The following ATP6V0D2 variants were observed in gnomAD, a reference collection of about 807,000 sequenced individuals.
ATP6V0D2 encodes the protein ATPase H+ transporting V0 subunit d2, also known as V-type proton ATPase subunit d 2.
ATP6V0D2 carries 40 observed loss-of-function variants against 40.0 expected under a neutral mutation model. The observed-to-expected ratio is 1.00, with a 90% confidence interval of 0.78 to 1.30. The LOEUF (loss-of-function observed/expected upper bound fraction) is 1.30, where lower values mean the gene tolerates loss of function less well. Ranked by LOEUF, ATP6V0D2 falls within the 50% of genes most tolerant of loss-of-function variation. The pLI is 0.00. For synonymous variants in ATP6V0D2, 179 were observed against 156.3 expected (o/e 1.15, Z -1.08); for missense variants, 470 against 423.1 (o/e 1.11, Z -0.97).
chr8:86,142,999 A>T, intron 5 of ATP6V0D2, 45 bp downstream of exon 5: 1 of 1,356,528 alleles, frequency 7.4e-7, no homozygotes, highest in Non-Finnish European at 1.0e-6. Flanking sequence ...TAAGGTGCTT[A>T]CATATTTTTA....
At chr8:86,106,274 A>T (rs895723997) in intron 1 of ATP6V0D2, among the ~76,000 whole-genome samples, 1 of 152,120 alleles carries the variant, frequency 6.6e-6, no homozygotes, top group African/African-American at 2.4e-5. Flanking sequence ...CTGGGACCAC[A>T]GGTGCATGTC....
rs1042313197 is a variant in ATP6V0D2 at position 86,111,859 on chromosome 8, T to C, written c.131-1850T>C. The stretch of plus-strand genomic sequence containing the variant: ...ATGGATCTGGGTCTCATTTTCTATG[T>C]TCCCATAAATCAAGGACCTTATCTT... On this transcript the variant is annotated intron_variant, in intron 1 of 7. Transcript: ENST00000285393. Among the ~76,000 whole-genome samples, 8 of 152,348 alleles carry C rather than the reference T, an allele frequency of 5.3e-5. No homozygotes were observed. In the South Asian group the frequency reaches 1.7e-3, roughly 32 times the overall value.
At chr8:86,114,740 T>A (rs1027147816) in intron 2 of ATP6V0D2, among the ~76,000 whole-genome samples, 8 of 152,186 alleles carry the variant, frequency 5.3e-5, no homozygotes, top group African/African-American at 1.9e-4. Context: ...CACCAATTAA[T>A]AAATTTTACT....
At chr8:86,129,732 GGC>G (rs1286270072) in intron 2 of ATP6V0D2, among the ~76,000 whole-genome samples, 1 of 151,824 alleles carries the variant, frequency 6.6e-6, no homozygotes, top group African/African-American at 2.4e-5. Context: ...GAACCCAGGA[GGC>G]AGAGGTTGCA....
chr8:86,145,741 C>T (rs1819060984), intron 5 of ATP6V0D2, among the ~76,000 whole-genome samples: 1 of 152,124 alleles, frequency 6.6e-6, no homozygotes, highest in Admixed American at 6.5e-5. Context: ...AGAATTTCTA[C>T]TCAGCATAAT....
intron 5 of ATP6V0D2, among the ~76,000 whole-genome samples, chr8:86,149,292 G>T (rs1025553142): frequency 1.3e-5 from 2 of 151,978 alleles, no homozygotes; most frequent in Admixed American, 1.3e-4. Context: ...AGAACCAAGA[G>T]ACTGTAGAAA....
chr8:86,150,041 G>A, intron 5 of ATP6V0D2, 71 bp from the exon 6 acceptor site: 1 of 1,355,522 alleles, frequency 7.4e-7, no homozygotes, highest in South Asian at 1.3e-5. Context: ...AAATGAATGT[G>A]TGCACTTAAG....
At position 86,113,722 on chromosome 8, in the gene ATP6V0D2, T is replaced by A. The variant is rs1353210096; in HGVS notation, c.144T>A (p.His48Gln). ...ATTTAATTTCAGACCTGAAAATTCATCTCCAGACTACTGATTATGGTAACT... is the reference window on the plus strand; with the variant it reads ...ATTTAATTTCAGACCTGAAAATTCAACTCCAGACTACTGATTATGGTAACT... ...QCETLEDLKI[H>Q]LQTTDYGNFL... The change falls in exon 2 of 8, where the codon CAT becomes CAA. Residue 48 changes from histidine to glutamine, a missense_variant. His to Gln is a conservative substitution (Grantham distance 24, BLOSUM62 0). Transcript: ENST00000285393. The A allele has an allele frequency of 2.5e-6, 4 of 1,604,594 alleles. No individual in the cohort carries two copies. Among genetic ancestry groups the A allele is most frequent in the Middle Eastern group, 1.7e-4 (1 of 6,008 alleles).
chr8:86,137,780 T>A (rs1818917965), intron 2 of ATP6V0D2, among the ~76,000 whole-genome samples: 2 of 152,320 alleles, frequency 1.3e-5, no homozygotes, highest in South Asian at 4.1e-4. Context: ...GCAGACTGCC[T>A]GAGTCTGAGT....
In ATP6V0D2 at chr8:86,099,074, C is replaced by T. The variant is rs758425000; in HGVS notation, c.96C>T (p.Asp32=). 6 of 1,613,176 alleles carry T rather than the reference C, an allele frequency of 3.7e-6. No homozygotes were observed. The African/African-American group carries it at 4.0e-5, about 11-fold the overall frequency. ...GCKASLLTQQ[D]YINLVQCETL... ...AGGCCAGCCTCCTGACCCAGCAAGA[C>T]TATATCAACCTGGTCCAGTGTGAGA... The change falls in exon 1 of 8, where the codon GAC becomes GAT. Residue 32 remains aspartate (D), a synonymous_variant. Coordinates refer to ENST00000285393, the MANE Select transcript of ATP6V0D2 (RefSeq NM_152565.1).
intron 2 of ATP6V0D2, among the ~76,000 whole-genome samples, chr8:86,129,637 C>A (rs1477073471): frequency 6.6e-6 from 1 of 152,018 alleles, no homozygotes; most frequent in East Asian, 1.9e-4. Flanking sequence ...CATGGTGAAA[C>A]CCCATCTCTA....
At chr8:86,122,212 C>A (rs567919142) in intron 2 of ATP6V0D2, among the ~76,000 whole-genome samples, 1 of 152,258 alleles carries the variant, frequency 6.6e-6, no homozygotes, top group African/African-American at 2.4e-5. Context: ...AAGTATCCCA[C>A]CTCAGAGGCT....
chr8:86,135,999 A>G (rs1460216752), intron 2 of ATP6V0D2, among the ~76,000 whole-genome samples: 1 of 152,156 alleles, frequency 6.6e-6, no homozygotes, highest in African/African-American at 2.4e-5. Context: ...TGATAATTAT[A>G]TACCTGGTAC....
chr8:86,102,106 A>G (rs1818406704), intron 1 of ATP6V0D2, among the ~76,000 whole-genome samples: 1 of 152,224 alleles, frequency 6.6e-6, no homozygotes, highest in Non-Finnish European at 1.5e-5. Flanking sequence ...CTTTTCCACA[A>G]AAATATGCCA....
chr8:86,126,090 A>G (rs956318908), intron 2 of ATP6V0D2, among the ~76,000 whole-genome samples: 1 of 149,864 alleles, frequency 6.7e-6, no homozygotes, highest in African/African-American at 2.4e-5. Flanking sequence ...GGCATGCACC[A>G]TCATGACCAG....
rs759082096 is a variant in ATP6V0D2, at chr8:86,150,226, T to C, written c.754T>C (p.Leu252=). 6.2e-7 allele frequency: 1 copy of C among 1,612,596 alleles called. No individual in the cohort carries two copies. Among genetic ancestry groups the C allele is most frequent in the African/African-American group, 1.3e-5 (1 of 74,492 alleles). Residue 252 remains leucine, a synonymous_variant, in exon 6 of 8, where the codon TTG becomes CTG. Transcript: ENST00000285393. ...CTTCGGCAAACTCTATCCTGAGGGG[T>C]TGCGGCTGTTGGCTCAAGCAGAAGA... ...PTFGKLYPEG[L]RLLAQAEDFD...
chr8:86,139,746 A>T, intron 3 of ATP6V0D2, 111 bp downstream of exon 3: 1 of 1,252,252 alleles, frequency 8.0e-7, no homozygotes, highest in Non-Finnish European at 1.1e-6. Context: ...CTTTGATTTC[A>T]CAATTTTTTT....
intron 1 of ATP6V0D2, among the ~76,000 whole-genome samples, chr8:86,106,412 C>T (rs924303741): frequency 2.4e-4 from 36 of 152,178 alleles, no homozygotes; most frequent in African/African-American, 3.4e-4. Context: ...GGATTACAAG[C>T]GTGAGCACTG....
intron 1 of ATP6V0D2, among the ~76,000 whole-genome samples, chr8:86,109,924 C>A (rs1818510397): frequency 6.6e-6 from 1 of 152,146 alleles, no homozygotes; most frequent in South Asian, 2.1e-4. Context: ...TCATAGCTCG[C>A]AGTGGCTTCC....
Sources: allele counts gnomAD v4.1 joint callset (sites outside exome capture counted in the v4.1 genomes callset), GRCh38; gene constraint gnomAD v4.1.1; transcripts MANE v1.5; gene names NCBI Gene and HGNC (gene_info 2026-07-23, HGNC 2026-07-21).